PXDNL: variants seen among roughly 807,000 people sequenced by gnomAD.
The protein encoded by PXDNL is peroxidasin like.
A neutral mutation model predicts 150.8 loss-of-function variants in PXDNL; 145 were observed. The ratio of observed to expected loss-of-function variants is 0.96; its 90% CI spans 0.84 to 1.10. PXDNL has a LOEUF of 1.10. PXDNL is among the 50% of genes least tolerant of loss of function. The pLI, the probability that PXDNL is intolerant of heterozygous loss-of-function variation, is 0.00. For synonymous variants in PXDNL, 757 were observed against 725.7 expected (o/e 1.04, Z -0.69); for missense variants, 2,087 against 1,873.9 (o/e 1.11, Z -2.10).
chr8:51,680,158 C>G (rs1039436858), intron 1 of PXDNL, among the ~76,000 whole-genome samples: 4 of 152,226 alleles, frequency 2.6e-5, no homozygotes, highest in Non-Finnish European at 5.9e-5. Flanking sequence ...TGACCTAGCA[C>G]TGTGATCTCA....
intron 12 of PXDNL, among the ~76,000 whole-genome samples, chr8:51,446,629 C>T (rs541134177): frequency 1.8e-4 from 28 of 152,174 alleles, no homozygotes; most frequent in African/African-American, 6.3e-4. Context: ...ATTCCTAATA[C>T]CACTCAGCAT....
chr8:51,487,912 G>C (rs1345990570), intron 5 of PXDNL, among the ~76,000 whole-genome samples: 2 of 152,188 alleles, frequency 1.3e-5, no homozygotes, highest in Non-Finnish European at 2.9e-5. Context: ...AACCATTCTA[G>C]GCATTGTGCT....
intron 2 of PXDNL, among the ~76,000 whole-genome samples, chr8:51,652,107 T>C (rs903463579): frequency 6.6e-6 from 1 of 152,160 alleles, no homozygotes; most frequent in Non-Finnish European, 1.5e-5. Flanking sequence ...TTCTGTGCAA[T>C]TTACTATAAA....
chr8:51,481,928 G>A (rs1810613595), intron 6 of PXDNL, among the ~76,000 whole-genome samples: 1 of 152,208 alleles, frequency 6.6e-6, no homozygotes, highest in Admixed American at 6.5e-5. Context: ...CCTCTGCCAG[G>A]GCAGTGTGGA....
intron 1 of PXDNL, among the ~76,000 whole-genome samples, chr8:51,789,196 ATTT>A (rs10718358): frequency 7.6e-6 from 1 of 131,974 alleles, no homozygotes. Context: ...CATTGTACCC[ATTT>A]TTTTTTTTTT....
chr8:51,676,787 T>C (rs1815633684), intron 1 of PXDNL, among the ~76,000 whole-genome samples: 1 of 152,262 alleles, frequency 6.6e-6, no homozygotes, highest in Non-Finnish European at 1.5e-5. Context: ...CACTATGTAT[T>C]ATCAAGCTCA....
chr8:51,636,713 T>C (rs1814610422), intron 2 of PXDNL, among the ~76,000 whole-genome samples: 1 of 152,174 alleles, frequency 6.6e-6, no homozygotes, highest in South Asian at 2.1e-4. Flanking sequence ...GGATTTCATG[T>C]TTATGAATTG....
intron 1 of PXDNL, among the ~76,000 whole-genome samples, chr8:51,723,843 G>A (rs1009360862): frequency 6.6e-6 from 1 of 152,112 alleles, no homozygotes; most frequent in African/African-American, 2.4e-5. Flanking sequence ...TTGACAATGA[G>A]AGGACTGCAT....
At chr8:51,641,494 CA>C (rs1814754069) in intron 2 of PXDNL, among the ~76,000 whole-genome samples, 1 of 151,776 alleles carries the variant, frequency 6.6e-6, no homozygotes, top group Non-Finnish European at 1.5e-5. Flanking sequence ...ACAATGAACT[CA>C]AACAAATTTA....
chr8:51,642,034 G>T (rs1220178778), intron 2 of PXDNL, among the ~76,000 whole-genome samples: 3 of 148,546 alleles, frequency 2.0e-5, no homozygotes, highest in East Asian at 3.9e-4. Flanking sequence ...CCATAAAAAA[G>T]GATGAGTTCA....
intron 1 of PXDNL, among the ~76,000 whole-genome samples, chr8:51,803,521 C>A (rs186162246): frequency 6.6e-6 from 1 of 152,266 alleles, no homozygotes; most frequent in Admixed American, 6.5e-5. Context: ...ATGTGGCCCC[C>A]ATCCTCTCTC....
intron 2 of PXDNL, among the ~76,000 whole-genome samples, chr8:51,634,732 T>G (rs893181678): frequency 6.6e-6 from 1 of 151,066 alleles, no homozygotes; most frequent in African/African-American, 2.4e-5. Flanking sequence ...TTTATTTTTT[T>G]GTGGCTATTG....
chr8:51,771,152 T>C (rs2037288732), intron 1 of PXDNL, among the ~76,000 whole-genome samples: 1 of 152,242 alleles, frequency 6.6e-6, no homozygotes, highest in Admixed American at 6.5e-5. Flanking sequence ...AAAATAAAAA[T>C]ATGTCCAGCC....
At chr8:51,668,685 A>G (rs1222448008) in intron 1 of PXDNL, among the ~76,000 whole-genome samples, 1 of 152,200 alleles carries the variant, frequency 6.6e-6, no homozygotes, top group Admixed American at 6.5e-5. Flanking sequence ...CCATTTACAT[A>G]CACAATTCTG....
intron 3 of PXDNL, among the ~76,000 whole-genome samples, chr8:51,562,563 G>A (rs1424500564): frequency 6.6e-6 from 1 of 152,004 alleles, no homozygotes; most frequent in Non-Finnish European, 1.5e-5. Flanking sequence ...CACCCTCTCA[G>A]TGTAGATAAA....
At chr8:51,575,360 G>GA (rs1313846972) in intron 3 of PXDNL, among the ~76,000 whole-genome samples, 1 of 151,480 alleles carries the variant, frequency 6.6e-6, no homozygotes, top group Non-Finnish European at 1.5e-5. Flanking sequence ...AAAATAAACA[G>GA]AAAAAAAATT....
At chr8:51,487,936 G>A (rs977957461) in intron 5 of PXDNL, among the ~76,000 whole-genome samples, 1 of 152,180 alleles carries the variant, frequency 6.6e-6, no homozygotes, top group African/African-American at 2.4e-5. Context: ...CCTGCTGAAC[G>A]CACATTACTC....
intron 20 of PXDNL, among the ~76,000 whole-genome samples, chr8:51,344,504 T>G (rs1341242453): frequency 6.6e-6 from 1 of 152,176 alleles, no homozygotes; most frequent in Non-Finnish European, 1.5e-5. Context: ...AATCTTAGCT[T>G]ATCCTTCAAG....
intron 3 of PXDNL, among the ~76,000 whole-genome samples, chr8:51,561,910 G>A (rs145925873): frequency 1.4e-3 from 211 of 151,798 alleles, no homozygotes; most frequent in African/African-American, 4.4e-3. Context: ...ATGTTAAACC[G>A]ACATAAAATC....
Sources: gnomAD v4.1 joint callset for allele counts (sites outside exome capture counted in the v4.1 genomes callset) on GRCh38, gnomAD v4.1.1 for gene constraint, MANE v1.5 for transcripts, NCBI Gene and HGNC (gene_info 2026-07-23, HGNC 2026-07-21) for gene names.